RBFOX1: variants seen among roughly 807,000 people sequenced by gnomAD.
The protein encoded by RBFOX1 is RNA binding fox-1 homolog 1.
In RBFOX1, 8 loss-of-function variants were observed where a neutral mutation model predicts 57.7. That is an observed-to-expected ratio of 0.14 (90% CI 0.08 to 0.25). The LOEUF (loss-of-function observed/expected upper bound fraction) is 0.25, where lower values mean the gene tolerates loss of function less well. RBFOX1 is among the 10% of genes least tolerant of loss of function. The pLI, the probability that RBFOX1 is intolerant of heterozygous loss-of-function variation, is 1.00. For missense variants in RBFOX1, 611 were observed against 548.5 expected, an observed-to-expected ratio of 1.11 and a Z score of -1.14; for synonymous variants, 326 against 222.4, an observed-to-expected ratio of 1.47 and a Z score of -4.15.
intron 3 of RBFOX1, among the ~76,000 whole-genome samples, chr16:5,739,335 A>G (rs2052694044): frequency 6.6e-6 from 1 of 152,262 alleles, no homozygotes; most frequent in Non-Finnish European, 1.5e-5. Flanking sequence ...CGTTCTGCGT[A>G]GCAGGCAGTA....
At chr16:6,980,824 C>A (rs530762810) in intron 3 of RBFOX1, among the ~76,000 whole-genome samples, 23 of 152,214 alleles carry the variant, frequency 1.5e-4, no homozygotes, top group African/African-American at 5.3e-4. Context: ...AGGCGGATCA[C>A]TTCAGGTCAG....
At chr16:7,113,649 T>C (rs1326283013) in intron 4 of RBFOX1, among the ~76,000 whole-genome samples, 1 of 152,216 alleles carries the variant, frequency 6.6e-6, no homozygotes, top group Non-Finnish European at 1.5e-5. Context: ...TGACTCAATA[T>C]CCTTCCACCC....
intron 14 of RBFOX1, among the ~76,000 whole-genome samples, chr16:7,679,827 G>A (rs752217799): frequency 6.6e-6 from 1 of 151,868 alleles, no homozygotes; most frequent in Admixed American, 6.6e-5. Flanking sequence ...ATCTGGTGTG[G>A]GCAGAGATTT....
chr16:7,570,753 T>C (rs1051599973), intron 5 of RBFOX1, among the ~76,000 whole-genome samples: 1 of 152,226 alleles, frequency 6.6e-6, no homozygotes, highest in South Asian at 2.1e-4. Flanking sequence ...ACCAAAGGAA[T>C]ATAAATCATT....
intron 2 of RBFOX1, among the ~76,000 whole-genome samples, chr16:6,600,309 C>T (rs531799112): frequency 3.1e-4 from 47 of 152,324 alleles, no homozygotes; most frequent in Middle Eastern, 3.4e-3. Context: ...CCCCATTTCC[C>T]TCCTGCCCAG....
chr16:6,348,464 C>T (rs1253998670), intron 2 of RBFOX1, among the ~76,000 whole-genome samples: 2 of 152,110 alleles, frequency 1.3e-5, no homozygotes, highest in Non-Finnish European at 2.9e-5. Flanking sequence ...CCTACTCATG[C>T]TTGGTGAGAT....
intron 4 of RBFOX1, among the ~76,000 whole-genome samples, chr16:7,189,172 T>C (rs1435082922): frequency 6.6e-6 from 1 of 151,862 alleles, no homozygotes; most frequent in Admixed American, 6.6e-5. Flanking sequence ...ATGCCTGTAA[T>C]CCCAGCACTT....
At chr16:5,862,745 T>G (rs1478415628) in intron 3 of RBFOX1, among the ~76,000 whole-genome samples, 1 of 152,134 alleles carries the variant, frequency 6.6e-6, no homozygotes, top group Non-Finnish European at 1.5e-5. Context: ...CTTGAGCCAT[T>G]TTGAGTTGTT....
intron 13 of RBFOX1, among the ~76,000 whole-genome samples, chr16:7,670,567 G>T (rs923582987): frequency 6.6e-6 from 1 of 152,122 alleles, no homozygotes; most frequent in African/African-American, 2.4e-5. Flanking sequence ...AATAATATTT[G>T]TACTGGAAAT....
chr16:5,484,986 G>A (rs1323071627), intron 2 of RBFOX1, among the ~76,000 whole-genome samples: 4 of 151,988 alleles, frequency 2.6e-5, no homozygotes, highest in African/African-American at 9.7e-5. Context: ...TTGAGTCTAG[G>A]AGTTTGAAGC....
intron 2 of RBFOX1, among the ~76,000 whole-genome samples, chr16:6,582,964 T>C (rs891857275): frequency 4.6e-5 from 7 of 151,804 alleles, no homozygotes; most frequent in African/African-American, 1.5e-4. Flanking sequence ...TTTCCTTGAA[T>C]CTATTAATTC....
intron 3 of RBFOX1, among the ~76,000 whole-genome samples, chr16:6,695,332 C>T (rs970233138): frequency 1.4e-4 from 20 of 143,066 alleles, no homozygotes; most frequent in South Asian, 4.5e-4. Flanking sequence ...AGGAGAATCG[C>T]TTGAACCCAA....
intron 4 of RBFOX1, among the ~76,000 whole-genome samples, chr16:7,092,246 C>G (rs929453899): frequency 2.6e-5 from 4 of 152,106 alleles, no homozygotes; most frequent in Non-Finnish European, 5.9e-5. Context: ...TTGTTTGTTT[C>G]TGCTTTAGTG....
At chr16:7,291,416 T>G (rs536166771) in intron 4 of RBFOX1, among the ~76,000 whole-genome samples, 1 of 152,264 alleles carries the variant, frequency 6.6e-6, no homozygotes, top group Admixed American at 6.5e-5. Context: ...TAAAATAATG[T>G]GATGTGCTAG....
chr16:5,738,102 C>T (rs1426944076), intron 3 of RBFOX1, among the ~76,000 whole-genome samples: 1 of 150,686 alleles, frequency 6.6e-6, no homozygotes, highest in African/African-American at 2.4e-5. Context: ...TGAGAACATG[C>T]AGTGTTTGGT....
intron 4 of RBFOX1, among the ~76,000 whole-genome samples, chr16:7,084,652 C>T (rs1242578423): frequency 6.6e-6 from 1 of 152,180 alleles, no homozygotes; most frequent in Non-Finnish European, 1.5e-5. Context: ...GCTTCAAAGA[C>T]CAGAGGCTGA....
At chr16:5,735,615 G>C (rs2052542779) in intron 3 of RBFOX1, among the ~76,000 whole-genome samples, 1 of 152,132 alleles carries the variant, frequency 6.6e-6, no homozygotes, top group Non-Finnish European at 1.5e-5. Flanking sequence ...TACGTGCATG[G>C]GCCGGGCCCA....
chr16:6,281,172 A>G (rs182678750), intron 1 of RBFOX1, among the ~76,000 whole-genome samples: 1 of 152,028 alleles, frequency 6.6e-6, no homozygotes, highest in Admixed American at 6.6e-5. Flanking sequence ...GTAATGAGAT[A>G]TAAATTGATA....
chr16:5,366,311 AGAT>A lies in RBFOX1; in HGVS notation c.220-100889_220-100887del, dbSNP rs372475537. 1,494 of 359,204 alleles carry A rather than the reference AGAT, an allele frequency of 4.2e-3. 22 individuals carry two copies. Among genetic ancestry groups the A allele is most frequent in the African/African-American group, 0.027 (1,244 of 46,590 alleles). The allele number at this position is 359,204 out of a possible 1,614,324, so 22.3% of individuals were successfully genotyped here. On this transcript the variant is annotated intron_variant, in intron 1 of 2. Transcript: ENST00000585867. The stretch of plus-strand genomic sequence containing the variant: ...GTCATGACGATTTTGATGATGATGA[AGAT>A]GATGATGATGATGATTTTGATGATG...
Sources: gnomAD v4.1 joint callset for allele counts (sites outside exome capture counted in the v4.1 genomes callset) on GRCh38, gnomAD v4.1.1 for gene constraint, MANE v1.5 for transcripts, NCBI Gene and HGNC (gene_info 2026-07-23, HGNC 2026-07-21) for gene names.